The following ZNF626 variants were observed in gnomAD, a reference collection of about 807,000 sequenced individuals.
The protein encoded by ZNF626 is CTC-513N18.7.
A neutral mutation model predicts 11.7 loss-of-function variants in ZNF626; 4 were observed. The observed-to-expected ratio is 0.34, with a 90% CI of 0.17 to 0.78. The LOEUF (loss-of-function observed/expected upper bound fraction) is 0.78, where lower values mean the gene tolerates loss of function less well. ZNF626 is among the 30% of genes least tolerant of loss of function. ZNF626 has a pLI of 0.57. For synonymous variants in ZNF626, 179 were observed against 198.6 expected (o/e 0.90, Z 0.83); for missense variants, 588 against 587.1 (o/e 1.00, Z -0.01).
intron 3 of ZNF626, among the ~76,000 whole-genome samples, chr19:20,640,744 T>C (rs1283074592): frequency 6.6e-6 from 1 of 151,904 alleles, no homozygotes; most frequent in Non-Finnish European, 1.5e-5. Context: ...CCAAATCTGT[T>C]GATGATGCAA....
intron 3 of ZNF626, among the ~76,000 whole-genome samples, chr19:20,633,366 T>C (rs1969929884): frequency 1.4e-5 from 2 of 142,804 alleles, no homozygotes; most frequent in African/African-American, 5.5e-5. Context: ...TTTGTTTGTC[T>C]GTGCCCTGCC....
chr19:20,625,949 G>A (rs1969826302), intron 3 of ZNF626, among the ~76,000 whole-genome samples: 1 of 152,194 alleles, frequency 6.6e-6, no homozygotes, highest in Non-Finnish European at 1.5e-5. Context: ...TTGCTCTCCA[G>A]TATAACATTG....
intron 3 of ZNF626, among the ~76,000 whole-genome samples, chr19:20,633,488 T>C (rs1307655415): frequency 1.3e-5 from 2 of 151,024 alleles, no homozygotes; most frequent in African/African-American, 2.4e-5. Flanking sequence ...AACTCGGCAA[T>C]GGTGGGCGCC....
intron 3 of ZNF626, among the ~76,000 whole-genome samples, chr19:20,644,453 T>C (rs1483011377): frequency 1.3e-5 from 2 of 152,194 alleles, no homozygotes; most frequent in African/African-American, 4.8e-5. Context: ...CCCAGCAGCC[T>C]TGTGACCAAG....
chr19:20,624,268 T>C lies in ZNF626; in HGVS notation c.*22A>G, dbSNP rs370626530. ...AGCTTTGTCACATTCTTCACATTTG[T>C]AGAATTTCTCTCCAGTATGAATTAT... On this transcript the variant is annotated 3_prime_UTR_variant, in exon 4 of 4. Coordinates refer to ENST00000601440, the MANE Select transcript of ZNF626 (RefSeq NM_001076675.3). The C allele has an allele frequency of 6.2e-6, 10 of 1,613,410 alleles. No homozygotes were observed. The African/African-American group carries it at 1.2e-4, about 19-fold the overall frequency.
intron 3 of ZNF626, among the ~76,000 whole-genome samples, chr19:20,633,721 CT>C (rs1419672953): frequency 1.3e-5 from 2 of 152,228 alleles, no homozygotes; most frequent in East Asian, 3.9e-4. Context: ...AGGGAATTCC[CT>C]GACCCCTTGC....
intron 3 of ZNF626, among the ~76,000 whole-genome samples, chr19:20,639,230 T>G (rs1969997532): frequency 6.6e-6 from 1 of 152,060 alleles, no homozygotes; most frequent in African/African-American, 2.4e-5. Flanking sequence ...AATTTGCCCC[T>G]GTGACCCAAA....
chr19:20,645,808 TCTTG>T, intron 2 of ZNF626, 29 bp from the exon 3 acceptor site: 2 of 1,557,826 alleles, frequency 1.3e-6, no homozygotes, highest in Non-Finnish European at 1.8e-6. Flanking sequence ...ATAACATAAA[TCTTG>T]CTTATGTTCT....
At chr19:20,651,629 A>G (rs1555772593) in intron 1 of ZNF626, among the ~76,000 whole-genome samples, 1 of 152,168 alleles carries the variant, frequency 6.6e-6, no homozygotes, top group Non-Finnish European at 1.5e-5. Flanking sequence ...GCCTGACACA[A>G]TTCTGCTCTG....
intron 1 of ZNF626, among the ~76,000 whole-genome samples, chr19:20,660,711 G>A (rs1387662286): frequency 6.6e-6 from 1 of 151,970 alleles, no homozygotes; most frequent in Non-Finnish European, 1.5e-5. Context: ...TTGAGCCACC[G>A]CGCCCAGCAA....
At chr19:20,627,168 AT>A (rs368398423) in intron 3 of ZNF626, among the ~76,000 whole-genome samples, 218 of 152,318 alleles carry the variant, frequency 1.4e-3, no homozygotes, top group African/African-American at 5.0e-3. Context: ...CAATTGAAAA[AT>A]TTCTTAAAAG....
chr19:20,637,133 C>T (rs1011672321), intron 3 of ZNF626, among the ~76,000 whole-genome samples: 9 of 151,212 alleles, frequency 6.0e-5, no homozygotes, highest in East Asian at 1.9e-4. Context: ...AAAACAAAAT[C>T]GAAATGATTA....
At position 20,625,392 on chromosome 19, in the gene ZNF626, C is replaced by T. The variant is rs782648997; in HGVS notation, c.485G>A (p.Gly162Glu). 10 of 1,614,010 alleles carry T rather than the reference C, an allele frequency of 6.2e-6. No homozygotes were observed. The highest frequency in any genetic ancestry group is 8.5e-6 in the Non-Finnish European group (10 of 1,180,004). The stretch of plus-strand genomic sequence containing the variant: ...TTTCCCAGTATGTCCTCTCTTTTGT[C>T]CGTTTGAATTTGGAAATTGATGAAG... ...KVLHQFPNSN[G>E]QKRGHTGKKP... The change falls in exon 4 of 4, where the codon GGA becomes GAA. Residue 162 changes from glycine to glutamate, a missense_variant. Gly to Glu is a moderately conservative substitution (Grantham distance 98). Coordinates refer to ENST00000601440, the MANE Select transcript of ZNF626 (RefSeq NM_001076675.3).
At chr19:20,625,792 G>T (rs1969823673) in intron 3 of ZNF626, 142 bp from the exon 4 acceptor site, 1 of 920,798 alleles carries the variant, frequency 1.1e-6, no homozygotes, top group Non-Finnish European at 1.5e-6. Flanking sequence ...TTTCTTCCTG[G>T]ACATATGAAT....
intron 3 of ZNF626, among the ~76,000 whole-genome samples, chr19:20,640,949 G>A (rs371160672): frequency 5.1e-4 from 78 of 152,140 alleles, no homozygotes; most frequent in African/African-American, 1.7e-3. Context: ...AGGAGTTTGA[G>A]ACCAGGCTGT....
intron 3 of ZNF626, among the ~76,000 whole-genome samples, chr19:20,641,095 C>T (rs1970019567): frequency 6.7e-6 from 1 of 149,336 alleles, no homozygotes; most frequent in African/African-American, 2.5e-5. Context: ...GAGACCACAC[C>T]ACTGCACTCT....
At chr19:20,626,727 A>C (rs766237709) in intron 3 of ZNF626, among the ~76,000 whole-genome samples, 2 of 152,138 alleles carry the variant, frequency 1.3e-5, no homozygotes, top group Non-Finnish European at 2.9e-5. Flanking sequence ...TCTCAAAAAT[A>C]AAATAGGCTG....
At position 20,625,415 on chromosome 19, in the gene ZNF626, A is replaced by G. The variant is rs1307964698; in HGVS notation, c.462T>C (p.Leu154=). ...GTCCGTTTGAATTTGGAAATTGATG[A>G]AGGACTTTCACATATTTATCACATT... ...ICQCDKYVKV[L]HQFPNSNGQK... is the part of the protein sequence containing the mutation. Residue 154 remains leucine (L), a synonymous_variant, in exon 4 of 4, where the codon CTT becomes CTC. Transcript: ENST00000601440. The G allele has an allele frequency of 1.2e-6, 2 of 1,613,972 alleles. No homozygotes were observed. The highest frequency in any genetic ancestry group is 1.3e-5 in the African/African-American group (1 of 74,938).
chr19:20,652,770 A>G (rs184161896), intron 1 of ZNF626, among the ~76,000 whole-genome samples: 10 of 152,338 alleles, frequency 6.6e-5, no homozygotes, highest in Admixed American at 5.9e-4. Flanking sequence ...GATTCAAAAT[A>G]TGGAGCTGCA....
Sources: gnomAD v4.1 joint callset for allele counts (sites outside exome capture counted in the v4.1 genomes callset) on GRCh38, gnomAD v4.1.1 for gene constraint, MANE v1.5 for transcripts, NCBI Gene and HGNC (gene_info 2026-07-23, HGNC 2026-07-21) for gene names.